The following HYCC2 variants were observed in gnomAD, a reference collection of about 807,000 sequenced individuals.
The protein encoded by HYCC2 is hyccin 2.
At chr2:201,011,914 C>T in the HYCC2 span, among the ~76,000 whole-genome samples, 18 of 152,090 alleles carry the variant, frequency 1.2e-4, no homozygotes, top group African/African-American at 3.9e-4. Flanking sequence ...TAATTTAATA[C>T]AGAATGAATT....
the HYCC2 span, among the ~76,000 whole-genome samples, chr2:201,008,214 G>A: frequency 6.6e-6 from 1 of 152,118 alleles, no homozygotes; most frequent in Non-Finnish European, 1.5e-5. Context: ...ATCCCATTCT[G>A]CAACCAAGAA....
At chr2:201,027,075 A>G in the HYCC2 span, among the ~76,000 whole-genome samples, 2 of 152,184 alleles carry the variant, frequency 1.3e-5, no homozygotes, top group Admixed American at 1.3e-4. Flanking sequence ...AGCACGACCA[A>G]TAAAGAAGAA....
the HYCC2 span, among the ~76,000 whole-genome samples, chr2:201,038,868 C>A: frequency 1.4e-4 from 21 of 151,380 alleles, no homozygotes; most frequent in South Asian, 4.4e-3. Flanking sequence ...ATGTTGTGCA[C>A]ATGTACTCTA....
chr2:201,038,145 CTCA>C, the HYCC2 span, among the ~76,000 whole-genome samples: 1 of 152,170 alleles, frequency 6.6e-6, no homozygotes, highest in African/African-American at 2.4e-5. Context: ...TGAAAAAATG[CTCA>C]TCATCACTGG....
chr2:201,023,210 G>A, the HYCC2 span, among the ~76,000 whole-genome samples: 9 of 152,116 alleles, frequency 5.9e-5, 1 homozygote, highest in South Asian at 8.3e-4. Flanking sequence ...TTAGCCAGGC[G>A]TGGTGGCGGG....
the HYCC2 span, among the ~76,000 whole-genome samples, chr2:201,061,608 GA>G: frequency 6.6e-6 from 1 of 150,470 alleles, no homozygotes; most frequent in Non-Finnish European, 1.5e-5. Context: ...GCTGCCACTT[GA>G]AGTCTTTCAT....
At chr2:201,003,575 G>A in the HYCC2 span, among the ~76,000 whole-genome samples, 2 of 151,818 alleles carry the variant, frequency 1.3e-5, no homozygotes. Flanking sequence ...CAGGCATGGT[G>A]GCGTGCGCCT....
the HYCC2 span, among the ~76,000 whole-genome samples, chr2:201,007,127 C>T: frequency 6.6e-6 from 1 of 152,052 alleles, no homozygotes; most frequent in African/African-American, 2.4e-5. Context: ...AATGTAGATG[C>T]CCAGATAAAC....
chr2:201,048,048 A>C, the HYCC2 span, among the ~76,000 whole-genome samples: 1 of 152,158 alleles, frequency 6.6e-6, no homozygotes, highest in Non-Finnish European at 1.5e-5. Flanking sequence ...TAAAAAATAT[A>C]TATATCGGGG....
the HYCC2 span, chr2:201,023,070 T>C: frequency 3.5e-6 from 2 of 578,648 alleles, no homozygotes; most frequent in Non-Finnish European, 5.9e-6. Context: ...AGAAATAGGC[T>C]GGGCACAGTG....
chr2:201,014,605 C>T, the HYCC2 span, among the ~76,000 whole-genome samples: 4 of 152,248 alleles, frequency 2.6e-5, no homozygotes, highest in East Asian at 7.7e-4. Context: ...GGGCATGGTT[C>T]TGAACTGAAT....
chr2:200,992,327 T>C, the HYCC2 span: 1 of 1,612,536 alleles, frequency 6.2e-7, no homozygotes, highest in Non-Finnish European at 8.5e-7. Flanking sequence ...ATAAATGATA[T>C]CATCAAGAAC....
the HYCC2 span, chr2:201,063,671 G>C: frequency 6.3e-7 from 1 of 1,575,396 alleles, no homozygotes; most frequent in South Asian, 1.1e-5. Context: ...TAGCCAAAGA[G>C]GTCGAAGTGG....
chr2:201,023,304 G>A, the HYCC2 span, among the ~76,000 whole-genome samples: 7 of 151,688 alleles, frequency 4.6e-5, no homozygotes, highest in South Asian at 6.2e-4. Context: ...AGCCGAGATC[G>A]TGCCACTGCA....
the HYCC2 span, among the ~76,000 whole-genome samples, chr2:201,019,417 T>C: frequency 6.6e-6 from 1 of 152,064 alleles, no homozygotes; most frequent in Non-Finnish European, 1.5e-5. Context: ...ATGTTGGCAA[T>C]CCAGTAAGTT....
the HYCC2 span, chr2:200,997,599 G>T: frequency 9.4e-7 from 1 of 1,067,678 alleles, no homozygotes; most frequent in Non-Finnish European, 1.4e-6. Context: ...ACTAGCAACT[G>T]GTTATGACAA....
chr2:201,065,570 T>C, the HYCC2 span, among the ~76,000 whole-genome samples: 2 of 152,240 alleles, frequency 1.3e-5, no homozygotes. Context: ...TAATTCTTCA[T>C]AATATTTCTA....
chr2:200,992,769 G>C, the HYCC2 span: 1 of 686,774 alleles, frequency 1.5e-6, no homozygotes, highest in Non-Finnish European at 2.5e-6. Context: ...AGAAAAACAA[G>C]ATAAGCCCAT....
the HYCC2 span, among the ~76,000 whole-genome samples, chr2:201,038,373 C>T: frequency 1.6e-4 from 24 of 152,276 alleles, no homozygotes; most frequent in Admixed American, 1.4e-3. Flanking sequence ...TACCATTTGA[C>T]CCAGCCATCC....
Sources: gnomAD v4.1 joint callset for allele counts (sites outside exome capture counted in the v4.1 genomes callset) on GRCh38, gnomAD v4.1.1 for gene constraint, MANE v1.5 for transcripts, NCBI Gene and HGNC (gene_info 2026-07-23, HGNC 2026-07-21) for gene names.